The following ROBO2 variants were observed in gnomAD, a reference collection of about 807,000 sequenced individuals.
ROBO2 encodes roundabout homolog 2.
ROBO2 carries 53 observed loss-of-function variants against 160.8 expected under a neutral mutation model. The observed-to-expected ratio is 0.33, with a 90% CI of 0.26 to 0.41. ROBO2 has a LOEUF of 0.41. Ranked by LOEUF, ROBO2 falls within the 10% of genes least tolerant of loss-of-function variation. The pLI is 1.00. For synonymous variants in ROBO2, 664 were observed against 611.7 expected, an observed-to-expected ratio of 1.09 and a Z score of -1.26; for missense variants, 1,577 against 1,722.4, an observed-to-expected ratio of 0.92 and a Z score of 1.49.
chr3:76,012,262 A>G (rs562045791), intron 2 of ROBO2, among the ~76,000 whole-genome samples: 19 of 152,236 alleles, frequency 1.2e-4, no homozygotes, highest in South Asian at 2.1e-4. Flanking sequence ...ATTATAAAGT[A>G]TACTATTTTT....
intron 2 of ROBO2, among the ~76,000 whole-genome samples, chr3:76,786,604 C>T (rs2062995005): frequency 6.6e-6 from 1 of 151,336 alleles, no homozygotes; most frequent in African/African-American, 2.4e-5. Context: ...TACCTCCCAC[C>T]ACGCTCCACC....
chr3:76,690,088 T>A (rs548387540), intron 2 of ROBO2, among the ~76,000 whole-genome samples: 65 of 151,874 alleles, frequency 4.3e-4, no homozygotes, highest in African/African-American at 1.4e-3. Context: ...TAAGTAGGAG[T>A]TGTCCAGAAT....
intron 16 of ROBO2, among the ~76,000 whole-genome samples, chr3:77,585,426 A>G (rs1002461459): frequency 6.6e-6 from 1 of 152,024 alleles, no homozygotes; most frequent in Admixed American, 6.6e-5. Flanking sequence ...ATCATTTATA[A>G]AAGTCTGAGT....
chr3:75,953,917 G>A (rs1232509425), intron 2 of ROBO2, among the ~76,000 whole-genome samples: 5 of 151,816 alleles, frequency 3.3e-5, no homozygotes, highest in African/African-American at 1.2e-4. Context: ...TGTCAGACAT[G>A]AGAAATCTTT....
At position 76,567,766 on chromosome 3, in the gene ROBO2, T is replaced by TGA. The variant is rs1166648715; in HGVS notation, c.110-530247_110-530246insAG. ...TTTTATATATATATATATCTGTCTG[T>TGA]GTGTGTGTGTGTGTGTGTGTGTGTG... On this transcript the variant is annotated intron_variant, in intron 2 of 26. Coordinates refer to the ROBO2 transcript ENST00000487694. Among the ~76,000 whole-genome samples the TGA allele has an allele frequency of 3.0e-5, 2 of 66,354 alleles. 1 individual carries two copies. The highest frequency in any genetic ancestry group is 3.1e-4 in the Admixed American group (2 of 6,508). 43.5% of individuals were successfully genotyped at this position (66,354 alleles called of 152,430 possible).
chr3:76,950,643 A>G (rs556214652), intron 2 of ROBO2, among the ~76,000 whole-genome samples: 2 of 152,278 alleles, frequency 1.3e-5, no homozygotes, highest in Admixed American at 1.3e-4. Context: ...TTGAGTAAAA[A>G]TGACAGGATA....
At chr3:76,145,683 G>T (rs2071859535) in intron 2 of ROBO2, among the ~76,000 whole-genome samples, 1 of 151,978 alleles carries the variant, frequency 6.6e-6, no homozygotes, top group East Asian at 1.9e-4. Flanking sequence ...TTAGAAAAAG[G>T]ACTCGATTTT....
At chr3:76,149,746 A>G (rs989938512) in intron 2 of ROBO2, among the ~76,000 whole-genome samples, 1 of 134,220 alleles carries the variant, frequency 7.5e-6, no homozygotes, top group African/African-American at 2.6e-5. Context: ...TAAAGCACAC[A>G]TCATATGTCT....
chr3:76,359,573 T>A (rs1324471314), intron 2 of ROBO2, among the ~76,000 whole-genome samples: 1 of 152,038 alleles, frequency 6.6e-6, no homozygotes, highest in Non-Finnish European at 1.5e-5. Flanking sequence ...GGTAAGATGA[T>A]CCATACAGGT....
chr3:77,220,652 A>T (rs1349585808), intron 2 of ROBO2, among the ~76,000 whole-genome samples: 3 of 152,136 alleles, frequency 2.0e-5, no homozygotes, highest in Admixed American at 6.6e-5. Context: ...TTCTAGTTGA[A>T]CCATTGAGTC....
chr3:77,222,570 A>C (rs915077138), intron 2 of ROBO2, among the ~76,000 whole-genome samples: 1 of 152,184 alleles, frequency 6.6e-6, no homozygotes, highest in South Asian at 2.1e-4. Context: ...TTTTCCCTTC[A>C]TGTGAGCTTT....
At chr3:77,147,075 A>C (rs1579386362) in intron 2 of ROBO2, among the ~76,000 whole-genome samples, 2 of 152,194 alleles carry the variant, frequency 1.3e-5, no homozygotes, top group Non-Finnish European at 2.9e-5. Flanking sequence ...TTATGGTAGA[A>C]ATTTTTTTAC....
chr3:76,015,024 T>C (rs574130720), intron 2 of ROBO2, among the ~76,000 whole-genome samples: 3 of 152,308 alleles, frequency 2.0e-5, no homozygotes, highest in African/African-American at 7.2e-5. Context: ...TGTATTTCCA[T>C]AAATTGGTAT....
chr3:75,950,557 C>G (rs1948495188), intron 2 of ROBO2, among the ~76,000 whole-genome samples: 1 of 146,308 alleles, frequency 6.8e-6, no homozygotes, highest in Non-Finnish European at 1.5e-5. Context: ...GTGTAGATCT[C>G]TTAATATTGA....
chr3:77,242,758 T>C (rs2089219389), intron 2 of ROBO2, among the ~76,000 whole-genome samples: 1 of 151,742 alleles, frequency 6.6e-6, no homozygotes, highest in Non-Finnish European at 1.5e-5. Flanking sequence ...ATAATGTTTT[T>C]ATGTGTTTGC....
intron 9 of ROBO2, among the ~76,000 whole-genome samples, chr3:77,558,632 AGTT>A (rs1384825778): frequency 6.6e-6 from 1 of 152,040 alleles, no homozygotes; most frequent in East Asian, 1.9e-4. Context: ...TTGTAGGTTA[AGTT>A]GTTGTGTAGT....
At chr3:77,099,070 T>TC (rs1448756758) in intron 2 of ROBO2, among the ~76,000 whole-genome samples, 1 of 104,432 alleles carries the variant, frequency 9.6e-6, no homozygotes, top group Non-Finnish European at 1.9e-5. Context: ...TTTCTTTCTT[T>TC]CTTTTTTTTT....
chr3:76,725,560 T>C (rs2093537820), intron 2 of ROBO2, among the ~76,000 whole-genome samples: 1 of 152,198 alleles, frequency 6.6e-6, no homozygotes. Flanking sequence ...TGCAGATGCT[T>C]ATTAGTAAGC....
At chr3:76,967,074 A>G (rs1158120685) in intron 2 of ROBO2, among the ~76,000 whole-genome samples, 1 of 152,130 alleles carries the variant, frequency 6.6e-6, no homozygotes, top group Non-Finnish European at 1.5e-5. Context: ...ATCTCACATC[A>G]AACTTGTAAG....
Sources: gnomAD v4.1 joint callset for allele counts (sites outside exome capture counted in the v4.1 genomes callset) on GRCh38, gnomAD v4.1.1 for gene constraint, MANE v1.5 for transcripts, NCBI Gene and HGNC (gene_info 2026-07-23, HGNC 2026-07-21) for gene names.